Variants in DLG2 observed in about 807,000 individuals in gnomAD.
DLG2 encodes disks large homolog 2.
A neutral mutation model predicts 132.5 loss-of-function variants in DLG2; 45 were observed. The observed-to-expected ratio is 0.34, with a 90% CI of 0.27 to 0.44. The LOEUF is 0.44. DLG2 is among the 20% of genes least tolerant of loss of function. DLG2 has a pLI of 1.00. For synonymous variants in DLG2, 424 were observed against 419.6 expected (o/e 1.01, Z -0.13); for missense variants, 1,045 against 1,196.9 (o/e 0.87, Z 1.87).
At chr11:84,556,175 G>A (rs76299691) in intron 6 of DLG2, among the ~76,000 whole-genome samples, 5,315 of 152,124 alleles carry the variant, frequency 0.035, 97 homozygotes, top group Middle Eastern at 0.061. Context: ...CTCCCATCTG[G>A]GCCCATCTTT....
chr11:84,814,425 AC>A (rs2076885855), intron 6 of DLG2, among the ~76,000 whole-genome samples: 1 of 152,024 alleles, frequency 6.6e-6, no homozygotes, highest in Non-Finnish European at 1.5e-5. Context: ...TCAATCCAAA[AC>A]AGAAATCTCA....
chr11:83,975,066 C>A (rs1312306095), intron 12 of DLG2, among the ~76,000 whole-genome samples: 1 of 152,018 alleles, frequency 6.6e-6, no homozygotes, highest in African/African-American at 2.4e-5. Flanking sequence ...AATGCTGTCC[C>A]TGCAGAGAAG....
At chr11:84,810,386 C>A (rs753914458) in intron 6 of DLG2, among the ~76,000 whole-genome samples, 2 of 152,058 alleles carry the variant, frequency 1.3e-5, no homozygotes, top group African/African-American at 2.4e-5. Flanking sequence ...TTTCAAGACA[C>A]ATAACAGCCA....
At chr11:84,133,533 A>G (rs1177202486) in intron 9 of DLG2, among the ~76,000 whole-genome samples, 3 of 152,092 alleles carry the variant, frequency 2.0e-5, no homozygotes, top group Non-Finnish European at 4.4e-5. Flanking sequence ...AAAAGTTGGT[A>G]GCTAAACTGG....
intron 11 of DLG2, among the ~76,000 whole-genome samples, chr11:84,030,685 T>A (rs550893879): frequency 1.1e-4 from 17 of 152,268 alleles, no homozygotes; most frequent in African/African-American, 3.8e-4. Flanking sequence ...GCGAGGATCA[T>A]AAATCCAGAT....
At chr11:85,273,205 A>G (rs1485526237) in intron 4 of DLG2, among the ~76,000 whole-genome samples, 1 of 152,218 alleles carries the variant, frequency 6.6e-6, no homozygotes, top group East Asian at 1.9e-4. Context: ...CAAAGACTTC[A>G]TGACTAAAAC....
At chr11:84,765,118 G>A (rs1200602087) in intron 6 of DLG2, among the ~76,000 whole-genome samples, 1 of 152,002 alleles carries the variant, frequency 6.6e-6, no homozygotes. Context: ...TTCATATAAA[G>A]TACCTCAAGG....
intron 18 of DLG2, among the ~76,000 whole-genome samples, chr11:83,664,645 C>G (rs544068333): frequency 2.2e-4 from 33 of 152,262 alleles, no homozygotes; most frequent in Admixed American, 3.9e-4. Context: ...GCTTGGGATA[C>G]AGCAGATGCT....
At chr11:84,844,932 A>C (rs1373304320) in intron 6 of DLG2, among the ~76,000 whole-genome samples, 2 of 152,172 alleles carry the variant, frequency 1.3e-5, no homozygotes, top group Non-Finnish European at 2.9e-5. Flanking sequence ...GCAAATGATA[A>C]GCAAATCCAG....
At chr11:83,792,880 G>A (rs890860339) in intron 17 of DLG2, among the ~76,000 whole-genome samples, 1 of 152,124 alleles carries the variant, frequency 6.6e-6, no homozygotes, top group East Asian at 1.9e-4. Flanking sequence ...GCCTCTAAAA[G>A]TGTAGTATTA....
chr11:84,733,762 T>C (rs1465100011), intron 6 of DLG2, among the ~76,000 whole-genome samples: 1 of 152,216 alleles, frequency 6.6e-6, no homozygotes, highest in Non-Finnish European at 1.5e-5. Context: ...AGGGTTTTTA[T>C]GGTTTTAGGT....
chr11:85,158,123 G>T (rs1185763858), intron 4 of DLG2, among the ~76,000 whole-genome samples: 2 of 151,928 alleles, frequency 1.3e-5, no homozygotes, highest in Non-Finnish European at 2.9e-5. Context: ...CCTATAAGGA[G>T]GTACACTATA....
intron 14 of DLG2, among the ~76,000 whole-genome samples, chr11:83,943,962 G>T (rs763675123): frequency 1.3e-5 from 2 of 152,124 alleles, no homozygotes; most frequent in Non-Finnish European, 2.9e-5. Flanking sequence ...GATTAAATGA[G>T]ATAATATACG....
chr11:85,048,785 G>T (rs554677594), intron 6 of DLG2, among the ~76,000 whole-genome samples: 36 of 151,974 alleles, frequency 2.4e-4, no homozygotes, highest in African/African-American at 8.4e-4. Flanking sequence ...GATTTTTATG[G>T]GAGAAAATCA....
At chr11:83,540,089 A>G (rs1331754533) in intron 20 of DLG2, among the ~76,000 whole-genome samples, 2 of 152,154 alleles carry the variant, frequency 1.3e-5, no homozygotes, top group Non-Finnish European at 2.9e-5. Context: ...CCTGACATCT[A>G]TTTCCGCATA....
intron 6 of DLG2, among the ~76,000 whole-genome samples, chr11:84,740,561 G>A (rs2064473356): frequency 6.6e-6 from 1 of 152,124 alleles, no homozygotes; most frequent in African/African-American, 2.4e-5. Flanking sequence ...CCTCTGGAGT[G>A]CATCCTCCTC....
chr11:84,309,210 G>A (rs552384203), intron 7 of DLG2, among the ~76,000 whole-genome samples: 2 of 152,298 alleles, frequency 1.3e-5, no homozygotes, highest in East Asian at 3.9e-4. Flanking sequence ...AAAGTTGGAA[G>A]AAAAACATTA....
At chr11:83,654,661 C>A (rs1028048233) in intron 18 of DLG2, among the ~76,000 whole-genome samples, 7 of 152,182 alleles carry the variant, frequency 4.6e-5, no homozygotes, top group African/African-American at 1.7e-4. Flanking sequence ...GGATAGGAGA[C>A]ACATCCTAGC....
rs58675039 is a variant in DLG2, at chr11:83,900,819, T to C, written c.1497-26331A>G. Among the ~76,000 whole-genome samples, 641 of 152,252 alleles carry C rather than the reference T, an allele frequency of 4.2e-3. 7 individuals are homozygous for C. The highest frequency in any genetic ancestry group is 0.014 in the African/African-American group (581 of 41,570). Reference sequence around the variant, plus strand: ...TGGAGCTGCAGGAAGAGAACCACTGTCCTCTAGACCCCAGAATGGTAGATC... The same window carrying C: ...TGGAGCTGCAGGAAGAGAACCACTGCCCTCTAGACCCCAGAATGGTAGATC... On this transcript the variant is annotated intron_variant, in intron 15 of 27. Transcript: ENST00000376104.
Sources: allele counts gnomAD v4.1 joint callset (sites outside exome capture counted in the v4.1 genomes callset), GRCh38; gene constraint gnomAD v4.1.1; transcripts MANE v1.5; gene names NCBI Gene and HGNC (gene_info 2026-07-23, HGNC 2026-07-21).